The following KDM1A variants were observed in gnomAD, a reference collection of about 807,000 sequenced individuals.
The protein encoded by KDM1A is lysine demethylase 1A.
In KDM1A, 49 loss-of-function variants were observed where a neutral mutation model predicts 109.4. That is an observed-to-expected ratio of 0.45 (90% CI 0.36 to 0.57). The LOEUF is 0.57. KDM1A is among the 20% of genes least tolerant of loss of function. KDM1A has a pLI of 0.00. For missense variants in KDM1A, 668 were observed against 1,116.6 expected (o/e 0.60, Z 5.73); for synonymous variants, 380 against 415.4 (o/e 0.91, Z 1.04).
chr1:23,049,791 T>C (rs1270089415), intron 3 of KDM1A, among the ~76,000 whole-genome samples: 1 of 152,202 alleles, frequency 6.6e-6, no homozygotes, highest in African/African-American at 2.4e-5. Flanking sequence ...TAGTAGTATA[T>C]AGTAAAGCAT....
At chr1:23,072,960 T>A (rs550481260) in intron 14 of KDM1A, among the ~76,000 whole-genome samples, 10 of 152,138 alleles carry the variant, frequency 6.6e-5, no homozygotes, top group African/African-American at 1.9e-4. Context: ...TTCTATAGAG[T>A]CTATGCTGTG....
chr1:23,062,668 C>G (rs543208113), intron 9 of KDM1A, among the ~76,000 whole-genome samples: 1 of 152,290 alleles, frequency 6.6e-6, no homozygotes, highest in Admixed American at 6.5e-5. Context: ...GTTTACCTCT[C>G]TGTTCTCTCT....
intron 9 of KDM1A, among the ~76,000 whole-genome samples, chr1:23,062,115 G>A (rs189920209): frequency 1.8e-4 from 27 of 152,314 alleles, no homozygotes; most frequent in Non-Finnish European, 3.5e-4. Context: ...GCTCACACAC[G>A]TGTTTGCCTA....
chr1:23,069,616 A>G (rs1006865651), intron 12 of KDM1A, among the ~76,000 whole-genome samples: 5 of 152,246 alleles, frequency 3.3e-5, no homozygotes, highest in African/African-American at 1.2e-4. Context: ...TAGCTATTCT[A>G]AAGCTATCCC....
At chr1:23,072,271 C>CT in intron 14 of KDM1A, 74 bp downstream of exon 14, 1 of 1,065,630 alleles carries the variant, frequency 9.4e-7, no homozygotes, top group Non-Finnish European at 1.4e-6. Flanking sequence ...AAGGAAAATT[C>CT]TAAATCATAA....
chr1:23,049,680 C>G (rs1287538229), intron 3 of KDM1A, among the ~76,000 whole-genome samples: 2 of 146,208 alleles, frequency 1.4e-5, no homozygotes, highest in Non-Finnish European at 3.0e-5. Context: ...AGTGAAACTT[C>G]GTCTCAAAAA....
chr1:23,062,790 T>C (rs1275760422), intron 9 of KDM1A, among the ~76,000 whole-genome samples: 1 of 152,146 alleles, frequency 6.6e-6, no homozygotes, highest in Non-Finnish European at 1.5e-5. Context: ...GATATTAATA[T>C]GAGAGATATA....
intron 1 of KDM1A, among the ~76,000 whole-genome samples, chr1:23,025,552 A>G (rs988154647): frequency 6.6e-6 from 1 of 151,380 alleles, no homozygotes; most frequent in African/African-American, 2.4e-5. Context: ...CTGGTCTAGA[A>G]CTCCTTACCT....
At chr1:23,027,171 A>C (rs989216624) in intron 1 of KDM1A, among the ~76,000 whole-genome samples, 2 of 152,082 alleles carry the variant, frequency 1.3e-5, no homozygotes, top group Non-Finnish European at 2.9e-5. Flanking sequence ...TAAGAAGTTA[A>C]AATTTATAAC....
intron 12 of KDM1A, among the ~76,000 whole-genome samples, chr1:23,070,789 C>A (rs1643295315): frequency 6.6e-6 from 1 of 150,818 alleles, no homozygotes; most frequent in Non-Finnish European, 1.5e-5. Flanking sequence ...GCCTGGGCGA[C>A]AGAGTGAGAC....
At chr1:23,047,923 A>C (rs1311806274) in intron 3 of KDM1A, among the ~76,000 whole-genome samples, 2 of 147,926 alleles carry the variant, frequency 1.4e-5, no homozygotes, top group Non-Finnish European at 2.9e-5. Context: ...AAAAAAAAAC[A>C]TCTGTAGTGA....
Position 23,019,750 on chromosome 1 carries a change from C to G in KDM1A, c.154C>G (p.Pro52Ala). 1 of 1,342,838 alleles carries G rather than the reference C, an allele frequency of 7.4e-7. No individual in the cohort carries two copies. The highest frequency in any genetic ancestry group is 9.6e-7 in the Non-Finnish European group (1 of 1,045,338). The allele number at this position is 1,342,838 out of a possible 1,614,324, so 83.2% of individuals were successfully genotyped here. Residue 52 changes from proline (P) to alanine (A), a missense_variant, in exon 1 of 21, where the codon CCG becomes GCG. Around this residue, in one of 8 missense-constraint regions of KDM1A, gnomAD observed 156 missense variants for 163.4 expected, o/e 0.95. Coordinates refer to ENST00000400181, the MANE Select transcript of KDM1A (RefSeq NM_001009999.3). ...CCTGTCGGGCCCAGCCGAGGTCGGGCCGGGGGCGGTGGGGGAGCGCACACC... is the reference window on the plus strand; with the variant it reads ...CCTGTCGGGCCCAGCCGAGGTCGGGGCGGGGGCGGTGGGGGAGCGCACACC... Reference protein sequence around the residue: ...AGLSGPAEVGPGAVGERTPRK... With the variant: ...AGLSGPAEVGAGAVGERTPRK...
At chr1:23,046,897 C>T (rs931292388) in intron 3 of KDM1A, among the ~76,000 whole-genome samples, 3 of 152,138 alleles carry the variant, frequency 2.0e-5, no homozygotes, top group Admixed American at 6.6e-5. Context: ...TCAAAGACAA[C>T]GTTTTGGAAA....
chr1:23,041,827 C>T (rs756305974), intron 2 of KDM1A, among the ~76,000 whole-genome samples: 1 of 151,366 alleles, frequency 6.6e-6, no homozygotes, highest in Non-Finnish European at 1.5e-5. Flanking sequence ...TCTACATTTT[C>T]CTGCATTTTT....
At chr1:23,039,586 A>C (rs1378950229) in intron 2 of KDM1A, among the ~76,000 whole-genome samples, 1 of 152,202 alleles carries the variant, frequency 6.6e-6, no homozygotes, top group Non-Finnish European at 1.5e-5. Context: ...TCATTTTACC[A>C]ATCCACTTGA....
rs753175092 is a variant in KDM1A at position 23,078,983 on chromosome 1, T to C, written c.1868-7T>C. ...ACCACTAGTCTTTTCCCACCCAACC[T>C]CTGCAGGATGTGAAGTGATAGCTGT... On this transcript the variant is annotated splice_region_variant and splice_polypyrimidine_tract_variant and intron_variant, in intron 16 of 20. Coordinates refer to ENST00000400181, the MANE Select transcript of KDM1A (RefSeq NM_001009999.3). 8 of 1,611,244 alleles carry C rather than the reference T, an allele frequency of 5.0e-6. No homozygotes were observed. In the Admixed American group the frequency reaches 1.3e-4, roughly 27 times the overall value.
rs767062925 is a variant in KDM1A at position 23,019,626 on chromosome 1, G to C, written c.30G>C (p.Ala10=). 3 of 1,375,220 alleles carry C rather than the reference G, an allele frequency of 2.2e-6. No homozygotes were observed. Among genetic ancestry groups the C allele is most frequent in the Middle Eastern group, 2.7e-4 (1 of 3,670 alleles). 85.2% of individuals were successfully genotyped at this position (1,375,220 alleles called of 1,614,324 possible). The change falls in exon 1 of 21, where the codon GCG becomes GCC. Residue 10 remains alanine (A), a synonymous_variant. Coordinates refer to ENST00000400181, the MANE Select transcript of KDM1A (RefSeq NM_001009999.3). MLSGKKAAA[A]AAAAAAAATG... ...TATCTGGGAAGAAGGCGGCAGCCGC[G>C]GCGGCGGCGGCTGCAGCGGCAGCAA... is the stretch of plus-strand genomic sequence containing the variant.
At chr1:23,082,425 C>A in intron 20 of KDM1A, 59 bp downstream of exon 20, 1 of 1,439,096 alleles carries the variant, frequency 6.9e-7, no homozygotes, top group South Asian at 1.6e-5. Context: ...CTCATGATGT[C>A]CCTGATTTTT....
rs760235634 is a variant in KDM1A, at chr1:23,050,376, T to G, written c.578-11T>G. On this transcript the variant is annotated splice_polypyrimidine_tract_variant and intron_variant, in intron 3 of 20. Transcript: ENST00000400181. ...GCACTTTTCCTAGATGTCCTTTGCT[T>G]TCTTCGTTAGGTGTGGAGGGCGCAG... is the stretch of plus-strand genomic sequence containing the variant. 6.3e-7 allele frequency: 1 copy of G among 1,596,990 alleles called. No individual in the cohort carries two copies. Among genetic ancestry groups the G allele is most frequent in the Admixed American group, 1.8e-5 (1 of 55,802 alleles).
Sources: gnomAD v4.1 joint callset for allele counts (sites outside exome capture counted in the v4.1 genomes callset) on GRCh38, gnomAD v4.1.1 for gene constraint, gnomAD v4.1.1 regional missense constraint, MANE v1.5 for transcripts, NCBI Gene and HGNC (gene_info 2026-07-23, HGNC 2026-07-21) for gene names.